The following XKR6 variants were observed in gnomAD, a reference collection of about 807,000 sequenced individuals.
XKR6 encodes the protein XK related 6.
In XKR6, 22 loss-of-function variants were observed where a neutral mutation model predicts 56.7. The ratio of observed to expected loss-of-function variants is 0.39; its 90% confidence interval spans 0.28 to 0.55. The LOEUF (loss-of-function observed/expected upper bound fraction) is 0.55, where lower values mean the gene tolerates loss of function less well. Among genes scored for constraint, XKR6 ranks in the 20% least tolerant of loss-of-function variants. The pLI is 0.66. For synonymous variants in XKR6, 524 were observed against 387.8 expected, an observed-to-expected ratio of 1.35 and a Z score of -4.13; for missense variants, 852 against 889.0, an observed-to-expected ratio of 0.96 and a Z score of 0.53.
chr8:11,031,092 G>C (rs17779063), intron 1 of XKR6, among the ~76,000 whole-genome samples: 3,917 of 152,240 alleles, frequency 0.026, 73 homozygotes, highest in Non-Finnish European at 0.041. Context: ...GAACCATGGT[G>C]GTCTTGTTTG....
chr8:11,084,948 C>T (rs1321082381), intron 1 of XKR6, among the ~76,000 whole-genome samples: 4 of 152,170 alleles, frequency 2.6e-5, no homozygotes, highest in African/African-American at 9.7e-5. Context: ...TGAAGAACAG[C>T]ATCCAAGGTG....
chr8:10,949,305 C>T (rs1801647820), intron 1 of XKR6, among the ~76,000 whole-genome samples: 1 of 152,240 alleles, frequency 6.6e-6, no homozygotes, highest in African/African-American at 2.4e-5. Context: ...CCATAACTGC[C>T]CTGCAGGGAG....
rs1213192242 is a variant in XKR6 at position 10,924,830 on chromosome 8, C to T, written c.765G>A (p.Arg255=). Residue 255 remains arginine (R), a splice_region_variant and synonymous_variant, in exon 2 of 3, where the codon AGG becomes AGA. Coordinates refer to ENST00000416569, the MANE Select transcript of XKR6 (RefSeq NM_173683.4). ...TCCCCAGGTACATGGTGCGGATATACCTGCCCAGAGAGATGGGGAGAACAC... is the reference window on the plus strand; with the variant it reads ...TCCCCAGGTACATGGTGCGGATATATCTGCCCAGAGAGATGGGGAGAACAC... ...IHLLQMGQVW[R]YIRTMYLGIQ... The T allele has an allele frequency of 6.2e-7, 1 of 1,611,886 alleles. No individual in the cohort carries two copies. Among genetic ancestry groups the T allele is most frequent in the Admixed American group, 1.7e-5 (1 of 59,950 alleles).
intron 1 of XKR6, among the ~76,000 whole-genome samples, chr8:11,038,069 G>C (rs950349199): frequency 3.9e-4 from 58 of 149,798 alleles, no homozygotes; most frequent in Non-Finnish European, 8.0e-4. Flanking sequence ...TAATGTCTAA[G>C]ACAAACTATT....
Position 11,179,233 on chromosome 8 carries a change from A to G in XKR6, c.764+21343T>C, listed in dbSNP as rs188112112. Among the ~76,000 whole-genome samples the G allele has an allele frequency of 7.5e-4, 114 of 152,224 alleles. 1 individual carries two copies. The East Asian group carries it at 0.01, about 13-fold the overall frequency. On this transcript the variant is annotated intron_variant, in intron 1 of 2. Transcript: ENST00000416569. ...GTATAGTCACCCAAAAAGAACAAGC[A>G]TCTGGCTAGAAGACCCACTGCAAGG...
At chr8:10,967,880 G>A (rs1235729870) in intron 1 of XKR6, among the ~76,000 whole-genome samples, 2 of 152,292 alleles carry the variant, frequency 1.3e-5, no homozygotes, top group African/African-American at 2.4e-5. Context: ...CTGAGGATGC[G>A]CTAGAGAGCA....
chr8:11,127,317 C>A (rs958053114), intron 1 of XKR6, among the ~76,000 whole-genome samples: 1 of 152,212 alleles, frequency 6.6e-6, no homozygotes, highest in African/African-American at 2.4e-5. Context: ...CAACGAGTTA[C>A]TTATCTTTTT....
At chr8:10,974,197 G>A (rs1386482363) in intron 1 of XKR6, among the ~76,000 whole-genome samples, 1 of 152,224 alleles carries the variant, frequency 6.6e-6, no homozygotes, top group Non-Finnish European at 1.5e-5. Context: ...AGGAGATGCT[G>A]GTGGGCTCCC....
chr8:11,150,863 A>AG (rs1247781638), intron 1 of XKR6, among the ~76,000 whole-genome samples: 1 of 98,556 alleles, frequency 1.0e-5, no homozygotes, highest in Non-Finnish European at 3.0e-5. Context: ...AAAAAAAAAA[A>AG]AAAAAAAAAA....
intron 1 of XKR6, among the ~76,000 whole-genome samples, chr8:10,942,704 T>C (rs1161614565): frequency 6.6e-6 from 1 of 152,184 alleles, no homozygotes; most frequent in Non-Finnish European, 1.5e-5. Flanking sequence ...CTAAGCTAGT[T>C]GCCGCCAAAG....
At chr8:11,102,665 G>C (rs544626388) in intron 1 of XKR6, among the ~76,000 whole-genome samples, 133 of 152,232 alleles carry the variant, frequency 8.7e-4, no homozygotes, top group African/African-American at 3.1e-3. Flanking sequence ...AAACAGTTTC[G>C]TGCCACTGAA....
intron 1 of XKR6, among the ~76,000 whole-genome samples, chr8:11,113,184 G>GA (rs1206230286): frequency 2.6e-5 from 4 of 152,134 alleles, no homozygotes; most frequent in Admixed American, 2.6e-4. Context: ...TACATGTAGT[G>GA]AAAGAAATGA....
At chr8:10,945,258 C>T (rs1025829750) in intron 1 of XKR6, among the ~76,000 whole-genome samples, 7 of 152,136 alleles carry the variant, frequency 4.6e-5, no homozygotes, top group South Asian at 2.1e-4. Flanking sequence ...CCAAGGCAGG[C>T]GGATCACACG....
chr8:11,103,809 C>T (rs1798576265), intron 1 of XKR6, among the ~76,000 whole-genome samples: 2 of 152,144 alleles, frequency 1.3e-5, no homozygotes, highest in African/African-American at 4.8e-5. Flanking sequence ...ATATTTTAGG[C>T]AAAATCATTT....
intron 1 of XKR6, among the ~76,000 whole-genome samples, chr8:10,964,625 C>T (rs531095204): frequency 6.6e-6 from 1 of 152,272 alleles, no homozygotes; most frequent in Non-Finnish European, 1.5e-5. Flanking sequence ...CCCTGAGGTC[C>T]TCCCAACAAT....
chr8:11,179,039 T>TG (rs1333074908), intron 1 of XKR6, among the ~76,000 whole-genome samples: 1 of 117,600 alleles, frequency 8.5e-6, no homozygotes, highest in African/African-American at 3.8e-5. Context: ...TTTTTTTTTT[T>TG]GGAGAGCTAG....
At chr8:11,038,573 C>T (rs1421234288) in intron 1 of XKR6, among the ~76,000 whole-genome samples, 17 of 150,466 alleles carry the variant, frequency 1.1e-4, no homozygotes, top group Admixed American at 1.1e-3. Context: ...CTCGCTCTGT[C>T]GCCTAGGCTG....
chr8:10,957,992 A>T (rs1327602773), intron 1 of XKR6, among the ~76,000 whole-genome samples: 1 of 152,152 alleles, frequency 6.6e-6, no homozygotes, highest in Non-Finnish European at 1.5e-5. Context: ...AAATCTACTG[A>T]ACTGAAAGGA....
chr8:11,176,537 T>C (rs551718583), intron 1 of XKR6, among the ~76,000 whole-genome samples: 4 of 152,304 alleles, frequency 2.6e-5, no homozygotes, highest in Admixed American at 6.5e-5. Flanking sequence ...AAAGAAATTA[T>C]GTCAAGCCAG....
Sources: gnomAD v4.1 joint callset for allele counts (sites outside exome capture counted in the v4.1 genomes callset) on GRCh38, gnomAD v4.1.1 for gene constraint, MANE v1.5 for transcripts, NCBI Gene and HGNC (gene_info 2026-07-23, HGNC 2026-07-21) for gene names.